RGS7: variants seen among roughly 807,000 people sequenced by gnomAD.
RGS7 encodes the protein regulator of G-protein signaling 7.
RGS7 carries 27 observed loss-of-function variants against 81.1 expected under a neutral mutation model. The ratio of observed to expected loss-of-function variants is 0.33; its 90% CI spans 0.25 to 0.46. The LOEUF is 0.46. RGS7 is among the 20% of genes least tolerant of loss of function. RGS7 has a pLI of 1.00. For synonymous variants in RGS7, 208 were observed against 207.7 expected (o/e 1.00, Z -0.01); for missense variants, 396 against 607.4 (o/e 0.65, Z 3.66).
intron 18 of RGS7, among the ~76,000 whole-genome samples, chr1:240,784,198 CAAAA>C (rs940673148): frequency 1.7e-5 from 2 of 116,470 alleles, no homozygotes; most frequent in Admixed American, 1.5e-4. Context: ...GAAAAAAAAA[CAAAA>C]AAACAAAACA....
intron 2 of RGS7, among the ~76,000 whole-genome samples, chr1:241,224,801 T>C (rs1048486430): frequency 1.2e-4 from 18 of 152,264 alleles, no homozygotes; most frequent in South Asian, 6.2e-4. Flanking sequence ...ATCTTCTCCA[T>C]GGCAAGCTTT....
intron 3 of RGS7, chr1:240,998,896 T>C (rs938426732): frequency 1.0e-5 from 4 of 396,308 alleles, no homozygotes; most frequent in Non-Finnish European, 1.9e-5. Flanking sequence ...AGTCCCCTTA[T>C]CTTTTTCCTA....
chr1:240,923,637 T>C (rs16841044), intron 6 of RGS7, among the ~76,000 whole-genome samples: 4,334 of 151,324 alleles, frequency 0.029, 215 homozygotes, highest in African/African-American at 0.1. Context: ...GACAATAAAA[T>C]AGAACTGTAG....
Position 240,808,835 on chromosome 1 carries a change from T to C in RGS7, c.1083-2509A>G, listed in dbSNP as rs1045076807. 2.0e-5 allele frequency among the ~76,000 whole-genome samples: 3 copies of C among 151,764 alleles called. No individual in the cohort carries two copies. In the South Asian group the frequency reaches 6.3e-4, roughly 32 times the overall value. On this transcript the variant is annotated intron_variant, in intron 14 of 18. Transcript: ENST00000440928. ...GGCTGCTATGAGCTATGACAGTGTC[T>C]CTGAACTGCAGCCTGGGTGTCAGAG...
chr1:241,354,258 C>A (rs2083424900), intron 2 of RGS7, among the ~76,000 whole-genome samples: 1 of 152,080 alleles, frequency 6.6e-6, no homozygotes. Context: ...TTCTCAAAAC[C>A]AACTCTAAAT....
At chr1:240,934,338 A>G (rs575012478) in intron 5 of RGS7, among the ~76,000 whole-genome samples, 1 of 152,298 alleles carries the variant, frequency 6.6e-6, no homozygotes, top group South Asian at 2.1e-4. Flanking sequence ...TTCTACTTTA[A>G]TTTATGATTT....
intron 3 of RGS7, among the ~76,000 whole-genome samples, chr1:241,053,878 G>A (rs904342543): frequency 6.6e-6 from 1 of 152,162 alleles, no homozygotes; most frequent in African/African-American, 2.4e-5. Flanking sequence ...CCGCTACCAT[G>A]TAAGACATGT....
chr1:241,079,439 G>C (rs975611513), intron 3 of RGS7, among the ~76,000 whole-genome samples: 2 of 152,080 alleles, frequency 1.3e-5, no homozygotes, highest in Non-Finnish European at 2.9e-5. Context: ...TGTCAGGTAA[G>C]AAAAATTCCA....
chr1:240,974,501 G>A (rs1683766697), intron 4 of RGS7, among the ~76,000 whole-genome samples: 1 of 152,128 alleles, frequency 6.6e-6, no homozygotes, highest in African/African-American at 2.4e-5. Context: ...ATTGACCGTG[G>A]CACTTCATTT....
At chr1:241,333,302 C>A (rs768685354) in intron 2 of RGS7, among the ~76,000 whole-genome samples, 5 of 152,174 alleles carry the variant, frequency 3.3e-5, no homozygotes, top group Non-Finnish European at 5.9e-5. Context: ...AGAGAAAGTT[C>A]ACATGTGGAA....
intron 6 of RGS7, among the ~76,000 whole-genome samples, chr1:240,906,921 C>T (rs1166810759): frequency 6.6e-6 from 1 of 152,300 alleles, no homozygotes; most frequent in East Asian, 1.9e-4. Flanking sequence ...AGAAAAGGTA[C>T]AGCTGCTTAA....
At chr1:240,954,658 A>T (rs1421050205) in intron 4 of RGS7, among the ~76,000 whole-genome samples, 1 of 152,180 alleles carries the variant, frequency 6.6e-6, no homozygotes, top group Admixed American at 6.5e-5. Context: ...CTAATGGTAG[A>T]AACTGGACAG....
At chr1:241,255,149 A>G (rs2077003358) in intron 2 of RGS7, among the ~76,000 whole-genome samples, 2 of 152,194 alleles carry the variant, frequency 1.3e-5, no homozygotes, top group Non-Finnish European at 2.9e-5. Flanking sequence ...GTGGGCAACT[A>G]TTGTTTTTTA....
At chr1:241,129,769 C>CA (rs1271682875) in intron 2 of RGS7, among the ~76,000 whole-genome samples, 21 of 151,882 alleles carry the variant, frequency 1.4e-4, no homozygotes, top group Admixed American at 6.6e-4. Flanking sequence ...TCTGTATTTC[C>CA]AAAAAACTTC....
rs570841906 is a variant in RGS7, at chr1:241,316,630, T to C, written c.78+39069A>G. Among the ~76,000 whole-genome samples the C allele has an allele frequency of 1.0e-3, 156 of 152,322 alleles. 1 individual carries two copies. The highest frequency in any genetic ancestry group is 3.0e-3 in the African/African-American group (123 of 41,566). ...AATCCCACTTGGTCCTGGTGTATGA[T>C]CCTTTTAATGACCTGGTGAAGACGG... On this transcript the variant is annotated intron_variant, in intron 2 of 18. Coordinates refer to ENST00000440928, the MANE Select transcript of RGS7 (RefSeq NM_001364886.1).
chr1:241,092,799 A>G lies in RGS7; in HGVS notation c.175+5867T>C, dbSNP rs923712704. 8.5e-5 allele frequency among the ~76,000 whole-genome samples: 13 copies of G among 152,184 alleles called. No individual in the cohort carries two copies. In the East Asian group the frequency reaches 2.3e-3, roughly 27 times the overall value. On this transcript the variant is annotated intron_variant, in intron 3 of 18. Coordinates refer to ENST00000440928, the MANE Select transcript of RGS7 (RefSeq NM_001364886.1). The stretch of plus-strand genomic sequence containing the variant: ...TTTATTCCTTACCTGCCTTCAAAAT[A>G]TGATTTGAAGCAATTTACAATATAG...
chr1:241,192,341 C>T (rs1183338561), intron 2 of RGS7, among the ~76,000 whole-genome samples: 4 of 151,408 alleles, frequency 2.6e-5, no homozygotes, highest in Admixed American at 6.6e-5. Context: ...TGCACCTGTC[C>T]GCATTTCCAG....
At chr1:241,064,264 T>C (rs2061920606) in intron 3 of RGS7, among the ~76,000 whole-genome samples, 1 of 149,924 alleles carries the variant, frequency 6.7e-6, no homozygotes, top group South Asian at 2.1e-4. Context: ...AAGACACCGA[T>C]ATTGAAATCC....
At chr1:241,061,638 G>A (rs1333979489) in intron 3 of RGS7, among the ~76,000 whole-genome samples, 1 of 152,174 alleles carries the variant, frequency 6.6e-6, no homozygotes, top group Non-Finnish European at 1.5e-5. Context: ...GCTAAGGCAG[G>A]GGAGAGTAGG....
Sources: gnomAD v4.1 joint callset for allele counts (sites outside exome capture counted in the v4.1 genomes callset) on GRCh38, gnomAD v4.1.1 for gene constraint, MANE v1.5 for transcripts, NCBI Gene and HGNC (gene_info 2026-07-23, HGNC 2026-07-21) for gene names.